APBA1: variants seen among roughly 807,000 people sequenced by gnomAD.
The protein encoded by APBA1 is amyloid-beta A4 precursor protein-binding family A member 1.
A neutral mutation model predicts 86.6 loss-of-function variants in APBA1; 55 were observed. The observed-to-expected ratio is 0.64, with a 90% CI of 0.51 to 0.80. The LOEUF is 0.80. APBA1 is among the 30% of genes least tolerant of loss of function. The pLI, the probability that APBA1 is intolerant of heterozygous loss-of-function variation, is 0.00. For missense variants in APBA1, 1,090 were observed against 1,183.0 expected, an observed-to-expected ratio of 0.92 and a Z score of 1.15; for synonymous variants, 511 against 493.9, an observed-to-expected ratio of 1.03 and a Z score of -0.46.
In APBA1 at chr9:69,452,315, CAG is replaced by C. The variant is rs1414556392; in HGVS notation, c.1789-16_1789-15del. On this transcript the variant is annotated splice_polypyrimidine_tract_variant and intron_variant, in intron 8 of 12. Coordinates refer to ENST00000265381, the MANE Select transcript of APBA1 (RefSeq NM_001163.4). ...AATCAGCTGAGCCTGGAACAGCAGC[CAG>C]AGAGGAAAGATGGTCAGCAGGGCAG... is the stretch of plus-strand genomic sequence containing the variant. The C allele has an allele frequency of 6.2e-7, 1 of 1,613,144 alleles. No individual in the cohort carries two copies. The highest frequency in any genetic ancestry group is 1.3e-5 in the African/African-American group (1 of 74,916).
At chr9:69,566,196 C>T (rs1837024039) in intron 1 of APBA1, among the ~76,000 whole-genome samples, 1 of 152,224 alleles carries the variant, frequency 6.6e-6, no homozygotes, top group Non-Finnish European at 1.5e-5. Flanking sequence ...ATCCCCATAG[C>T]AACATACACT....
intron 5 of APBA1, among the ~76,000 whole-genome samples, chr9:69,467,558 A>G (rs191834557): frequency 6.6e-6 from 1 of 152,152 alleles, no homozygotes; most frequent in Non-Finnish European, 1.5e-5. Flanking sequence ...CATTACACCA[A>G]CTTTTCAAAG....
chr9:69,610,222 A>G (rs1822559948), intron 1 of APBA1, among the ~76,000 whole-genome samples: 1 of 152,138 alleles, frequency 6.6e-6, no homozygotes, highest in South Asian at 2.1e-4. Context: ...TTTGAGGCTG[A>G]GGCTGGAGGA....
chr9:69,576,020 A>G (rs1482079064), intron 1 of APBA1, among the ~76,000 whole-genome samples: 1 of 152,222 alleles, frequency 6.6e-6, no homozygotes, highest in Non-Finnish European at 1.5e-5. Flanking sequence ...AGAAAAAAAC[A>G]AACAATCCCA....
intron 1 of APBA1, among the ~76,000 whole-genome samples, chr9:69,575,530 C>A (rs974129595): frequency 4.6e-5 from 7 of 152,100 alleles, no homozygotes; most frequent in African/African-American, 1.7e-4. Flanking sequence ...TGGAACAGAA[C>A]AGAGTCCTCA....
rs1004499830 is a variant in APBA1 at position 69,536,059 on chromosome 9, T to G, written c.-69-18780A>C. 1.4e-4 allele frequency among the ~76,000 whole-genome samples: 20 copies of G among 139,862 alleles called. 1 individual carries two copies. The highest frequency in any genetic ancestry group is 5.3e-4 in the African/African-American group (20 of 37,518). 91.8% of individuals were successfully genotyped at this position (139,862 alleles called of 152,430 possible). ...GTGCAGTTTTTTGTTTTTTTTTTTT[T>G]GATGTTGTACAAGTAAGTCTGTTTC... On this transcript the variant is annotated intron_variant, in intron 1 of 12. Coordinates refer to ENST00000265381, the MANE Select transcript of APBA1 (RefSeq NM_001163.4).
At chr9:69,618,680 A>T (rs184047832) in intron 1 of APBA1, among the ~76,000 whole-genome samples, 189 of 152,342 alleles carry the variant, frequency 1.2e-3, no homozygotes, top group African/African-American at 4.1e-3. Flanking sequence ...AGGAGCCATC[A>T]TGGCTCAGGC....
intron 2 of APBA1, among the ~76,000 whole-genome samples, chr9:69,489,497 A>C (rs533256456): frequency 6.6e-6 from 1 of 152,250 alleles, no homozygotes; most frequent in Non-Finnish European, 1.5e-5. Context: ...TAAAGACTTA[A>C]ATGTTAGACC....
intron 1 of APBA1, among the ~76,000 whole-genome samples, chr9:69,523,551 A>ACC (rs1836297940): frequency 7.7e-6 from 1 of 130,406 alleles, no homozygotes; most frequent in Admixed American, 7.9e-5. Flanking sequence ...ACACACACAC[A>ACC]CACCCAACAT....
At chr9:69,486,229 G>C (rs556295486) in intron 2 of APBA1, among the ~76,000 whole-genome samples, 10 of 152,242 alleles carry the variant, frequency 6.6e-5, no homozygotes, top group Admixed American at 6.5e-4. Flanking sequence ...TGGGATTACA[G>C]GCATGAACCA....
chr9:69,561,384 A>T (rs1018830500), intron 1 of APBA1, among the ~76,000 whole-genome samples: 1 of 152,246 alleles, frequency 6.6e-6, no homozygotes, highest in Non-Finnish European at 1.5e-5. Context: ...ATACTGCTTT[A>T]GGGACATTTT....
At chr9:69,467,308 C>A (rs1459840249) in intron 5 of APBA1, among the ~76,000 whole-genome samples, 1 of 152,200 alleles carries the variant, frequency 6.6e-6, no homozygotes, top group Non-Finnish European at 1.5e-5. Flanking sequence ...CTAGTTTAAA[C>A]TGGATTAGCC....
At chr9:69,531,381 T>C (rs1219859357) in intron 1 of APBA1, among the ~76,000 whole-genome samples, 3 of 152,202 alleles carry the variant, frequency 2.0e-5, no homozygotes. Flanking sequence ...GAATTTTCTC[T>C]CTTAAATAAT....
chr9:69,475,138 C>G (rs1835422616), intron 3 of APBA1, among the ~76,000 whole-genome samples: 2 of 152,168 alleles, frequency 1.3e-5, no homozygotes, highest in Non-Finnish European at 2.9e-5. Flanking sequence ...CGGGGGAAGG[C>G]AGTGTCTCCC....
intron 1 of APBA1, among the ~76,000 whole-genome samples, chr9:69,547,211 C>A (rs1365184776): frequency 6.6e-6 from 1 of 152,180 alleles, no homozygotes; most frequent in Non-Finnish European, 1.5e-5. Flanking sequence ...GGGGGACAGT[C>A]CAAGGATGGT....
At chr9:69,619,484 T>C (rs1822770515) in intron 1 of APBA1, among the ~76,000 whole-genome samples, 1 of 152,166 alleles carries the variant, frequency 6.6e-6, no homozygotes, top group Admixed American at 6.5e-5. Flanking sequence ...AACAAATGAA[T>C]CTCTCTCCTG....
intron 1 of APBA1, among the ~76,000 whole-genome samples, chr9:69,588,411 A>G (rs1374742706): frequency 6.6e-6 from 1 of 151,984 alleles, no homozygotes; most frequent in Non-Finnish European, 1.5e-5. Flanking sequence ...TTTTTTTAAG[A>G]AGCAGCAAAG....
At chr9:69,569,861 G>T (rs1350994855) in intron 1 of APBA1, among the ~76,000 whole-genome samples, 2 of 152,104 alleles carry the variant, frequency 1.3e-5, no homozygotes, top group Non-Finnish European at 2.9e-5. Context: ...GATATGAACA[G>T]CCTGAATTAA....
At chr9:69,652,607 T>C (rs1383220100) in intron 1 of APBA1, among the ~76,000 whole-genome samples, 1 of 152,186 alleles carries the variant, frequency 6.6e-6, no homozygotes, top group East Asian at 1.9e-4. Context: ...CAAAGGGCAG[T>C]AGTAAATCCT....
Sources: allele counts gnomAD v4.1 joint callset (sites outside exome capture counted in the v4.1 genomes callset), GRCh38; gene constraint gnomAD v4.1.1; transcripts MANE v1.5; gene names NCBI Gene and HGNC (gene_info 2026-07-23, HGNC 2026-07-21).